Variants in NELL1 observed in about 807,000 individuals in gnomAD.
NELL1 encodes neural EGFL like 1, also known as protein kinase C-binding protein NELL1.
NELL1 carries 76 observed loss-of-function variants against 107.4 expected under a neutral mutation model. That is an observed-to-expected ratio of 0.71 (90% CI 0.59 to 0.86). The LOEUF (loss-of-function observed/expected upper bound fraction) is 0.86. Ranked by LOEUF, NELL1 falls within the 40% of genes least tolerant of loss-of-function variation. NELL1 has a pLI of 0.00. For missense variants in NELL1, 1,024 were observed against 1,005.5 expected, an observed-to-expected ratio of 1.02 and a Z score of -0.25; for synonymous variants, 353 against 341.2, an observed-to-expected ratio of 1.03 and a Z score of -0.38.
At chr11:20,780,788 A>G (rs1380815111) in intron 2 of NELL1, among the ~76,000 whole-genome samples, 1 of 152,108 alleles carries the variant, frequency 6.6e-6, no homozygotes, top group African/African-American at 2.4e-5. Flanking sequence ...AAAAGGAGAG[A>G]GAAGAGCACT....
At chr11:20,700,833 T>A (rs1309727757) in intron 2 of NELL1, among the ~76,000 whole-genome samples, 1 of 152,188 alleles carries the variant, frequency 6.6e-6, no homozygotes, top group East Asian at 1.9e-4. Context: ...ACAAAGGACA[T>A]GAACTTATCC....
chr11:21,486,684 A>C (rs956376709), intron 15 of NELL1, among the ~76,000 whole-genome samples: 1 of 152,190 alleles, frequency 6.6e-6, no homozygotes, highest in African/African-American at 2.4e-5. Context: ...AAAGAAGCCC[A>C]AATGAGACAC....
At chr11:21,264,241 G>A (rs930351020) in intron 14 of NELL1, among the ~76,000 whole-genome samples, 9 of 151,824 alleles carry the variant, frequency 5.9e-5, no homozygotes, top group African/African-American at 2.2e-4. Flanking sequence ...GGAAGAGACC[G>A]AGATTGAATC....
At chr11:21,407,918 G>A (rs1443380234) in intron 15 of NELL1, among the ~76,000 whole-genome samples, 1 of 151,732 alleles carries the variant, frequency 6.6e-6, no homozygotes, top group Non-Finnish European at 1.5e-5. Context: ...ACTCCATAAA[G>A]TATTTCCTGA....
At chr11:20,705,722 A>G (rs1334642473) in intron 2 of NELL1, among the ~76,000 whole-genome samples, 1 of 148,262 alleles carries the variant, frequency 6.7e-6, no homozygotes, top group South Asian at 2.1e-4. Flanking sequence ...ATCAGAGTGA[A>G]CAGGCAACCT....
chr11:20,674,518 CT>C (rs1565301042), intron 1 of NELL1: 3 of 1,536,110 alleles, frequency 2.0e-6, no homozygotes, highest in Non-Finnish European at 2.6e-6. Flanking sequence ...CGTGTTATCG[CT>C]GATATGGAGA....
intron 12 of NELL1, among the ~76,000 whole-genome samples, chr11:21,100,349 G>A (rs922400645): frequency 3.3e-5 from 5 of 152,276 alleles, no homozygotes; most frequent in Non-Finnish European, 7.3e-5. Context: ...GTACAGTTCA[G>A]TGGCATTAAT....
At chr11:21,121,931 T>A (rs887976386) in intron 13 of NELL1, among the ~76,000 whole-genome samples, 1 of 152,188 alleles carries the variant, frequency 6.6e-6, no homozygotes, top group South Asian at 2.1e-4. Context: ...GTGATAGTAG[T>A]GTTAAAATAA....
intron 12 of NELL1, among the ~76,000 whole-genome samples, chr11:21,106,760 C>G (rs1014369739): frequency 6.6e-6 from 1 of 152,076 alleles, no homozygotes; most frequent in African/African-American, 2.4e-5. Context: ...TTCCTAGGTT[C>G]TATAGGCATT....
intron 12 of NELL1, among the ~76,000 whole-genome samples, chr11:21,100,304 C>A (rs1854773248): frequency 6.6e-6 from 1 of 152,218 alleles, no homozygotes; most frequent in African/African-American, 2.4e-5. Flanking sequence ...AGGCATCATC[C>A]ACCATGCTCG....
At chr11:20,920,545 C>T (rs746826049) in intron 7 of NELL1, among the ~76,000 whole-genome samples, 4 of 152,114 alleles carry the variant, frequency 2.6e-5, no homozygotes, top group East Asian at 1.9e-4. Flanking sequence ...GAATGTGAAA[C>T]GCAGGTGATT....
At chr11:21,422,398 G>T (rs190071991) in intron 15 of NELL1, among the ~76,000 whole-genome samples, 1 of 152,040 alleles carries the variant, frequency 6.6e-6, no homozygotes, top group Non-Finnish European at 1.5e-5. Context: ...ATACATAAAA[G>T]AAAAACTATT....
At chr11:21,268,659 T>C (rs567818927) in intron 14 of NELL1, among the ~76,000 whole-genome samples, 10 of 152,294 alleles carry the variant, frequency 6.6e-5, no homozygotes, top group African/African-American at 2.4e-4. Flanking sequence ...TCATATAGAA[T>C]GCTAACCCCT....
intron 3 of NELL1, 82 bp from the exon 4 acceptor site, chr11:20,847,501 T>C (rs1324725068): frequency 2.9e-6 from 4 of 1,394,110 alleles, no homozygotes; most frequent in South Asian, 1.4e-5. Context: ...GTGAGAGACC[T>C]GGTAGTAAGG....
intron 4 of NELL1, among the ~76,000 whole-genome samples, chr11:20,864,870 C>T (rs189462249): frequency 3.9e-5 from 6 of 152,300 alleles, no homozygotes; most frequent in Admixed American, 1.3e-4. Flanking sequence ...GGATTCCTTC[C>T]CTGTTTACTG....
At chr11:21,328,680 G>A (rs888719862) in intron 14 of NELL1, among the ~76,000 whole-genome samples, 9 of 152,118 alleles carry the variant, frequency 5.9e-5, no homozygotes, top group African/African-American at 2.2e-4. Context: ...CATCCAGGAG[G>A]GGAGCTATAC....
chr11:20,903,628 G>A (rs1280939193), intron 5 of NELL1, among the ~76,000 whole-genome samples: 2 of 152,082 alleles, frequency 1.3e-5, no homozygotes, highest in Non-Finnish European at 2.9e-5. Flanking sequence ...CATATGGTCA[G>A]TAATTAGCTT....
rs1346034706 is a variant in NELL1 at position 21,534,454 on chromosome 11, G to A, written c.1726G>A (p.Glu576Lys). The A allele has an allele frequency of 1.2e-6, 2 of 1,613,926 alleles. No homozygotes were observed. Among genetic ancestry groups the A allele is most frequent in the South Asian group, 1.1e-5 (1 of 91,078 alleles). ...TAACCTGCCAGGGTGGTACCACTGT[G>A]AGTGCAGAAGCGGTTTCCATGACGA... ...CVNLPGWYHCECRSGFHDDGT... is the reference protein window; with the variant it reads ...CVNLPGWYHCKCRSGFHDDGT... The change falls in exon 16 of 20, where the codon GAG (glutamate) becomes AAG (lysine). Residue 576 changes from glutamate (E) to lysine (K), a missense_variant. By Grantham distance (56) the Glu-to-Lys change is moderately conservative (BLOSUM62 1). Coordinates refer to ENST00000357134, the MANE Select transcript of NELL1 (RefSeq NM_006157.5).
chr11:21,351,210 T>C (rs1004364217), intron 14 of NELL1, among the ~76,000 whole-genome samples: 1 of 152,106 alleles, frequency 6.6e-6, no homozygotes. Context: ...CAGATTTTCC[T>C]TCAGATCCTC....
Sources: allele counts gnomAD v4.1 joint callset (sites outside exome capture counted in the v4.1 genomes callset), GRCh38; gene constraint gnomAD v4.1.1; transcripts MANE v1.5; gene names NCBI Gene and HGNC (gene_info 2026-07-23, HGNC 2026-07-21).